NR2C2: variants seen among roughly 807,000 people sequenced by gnomAD.
NR2C2 encodes the protein nuclear receptor subfamily 2 group C member 2.
NR2C2 carries 6 observed loss-of-function variants against 62.9 expected under a neutral mutation model. The observed-to-expected ratio is 0.10, with a 90% CI of 0.05 to 0.19. NR2C2 has a LOEUF of 0.19. NR2C2 is among the 10% of genes least tolerant of loss of function. The probability of loss-of-function intolerance (pLI) is 1.00; values close to 1 mark genes in which losing one functional copy is unlikely to be tolerated. For synonymous variants in NR2C2, 272 were observed against 273.8 expected, an observed-to-expected ratio of 0.99 and a Z score of 0.07; for missense variants, 479 against 762.7, an observed-to-expected ratio of 0.63 and a Z score of 4.38.
At chr3:14,975,838 A>G (rs540751417) in intron 1 of NR2C2, among the ~76,000 whole-genome samples, 1 of 152,324 alleles carries the variant, frequency 6.6e-6, no homozygotes, top group Non-Finnish European at 1.5e-5. Context: ...CATGTGGTCC[A>G]GGACTTTCCT....
chr3:15,014,971 CTT>C (rs2041467350), intron 3 of NR2C2, among the ~76,000 whole-genome samples: 1 of 152,252 alleles, frequency 6.6e-6, no homozygotes, highest in African/African-American at 2.4e-5. Flanking sequence ...GAAGGGAAGA[CTT>C]TTTTTGTCTT....
intron 1 of NR2C2, among the ~76,000 whole-genome samples, chr3:14,992,331 T>A (rs1355074466): frequency 6.6e-6 from 1 of 152,048 alleles, no homozygotes; most frequent in African/African-American, 2.4e-5. Flanking sequence ...TTGGTTTATA[T>A]AATGAACTGC....
chr3:15,014,624 CTG>C (rs762156252), intron 3 of NR2C2, among the ~76,000 whole-genome samples: 6 of 152,122 alleles, frequency 3.9e-5, no homozygotes, highest in Admixed American at 6.6e-5. Context: ...AGCTGAAACT[CTG>C]TACTCATTGA....
chr3:15,033,363 A>G (rs962400680), intron 10 of NR2C2, among the ~76,000 whole-genome samples: 3 of 152,174 alleles, frequency 2.0e-5, no homozygotes, highest in Admixed American at 2.0e-4. Flanking sequence ...CGTGGGTTTC[A>G]GATCTATAAA....
intron 1 of NR2C2, among the ~76,000 whole-genome samples, chr3:14,972,900 C>A (rs926974299): frequency 2.0e-5 from 3 of 152,144 alleles, no homozygotes; most frequent in Non-Finnish European, 4.4e-5. Flanking sequence ...ATCATGAGAA[C>A]AGCACCAAGA....
chr3:14,996,116 A>C (rs1001954468), intron 1 of NR2C2, among the ~76,000 whole-genome samples: 2 of 152,178 alleles, frequency 1.3e-5, no homozygotes, highest in Non-Finnish European at 2.9e-5. Context: ...CCATTGTATC[A>C]GTTTTCTTTT....
At chr3:14,948,025 G>C (rs1486983039) in intron 1 of NR2C2, 119 bp downstream of exon 1, 1 of 152,140 alleles carries the variant, frequency 6.6e-6, no homozygotes, top group East Asian at 1.9e-4. Flanking sequence ...TTGCCACGGG[G>C]TGGCGGCGGC....
chr3:14,960,664 G>A (rs2039665128), intron 1 of NR2C2, among the ~76,000 whole-genome samples: 1 of 152,102 alleles, frequency 6.6e-6, no homozygotes, highest in Admixed American at 6.5e-5. Context: ...TTGAACTATA[G>A]TTAATAACAG....
At chr3:14,985,690 CAT>C (rs1559546463) in intron 1 of NR2C2, among the ~76,000 whole-genome samples, 1 of 152,110 alleles carries the variant, frequency 6.6e-6, no homozygotes, top group Non-Finnish European at 1.5e-5. Flanking sequence ...TTTTTACTCT[CAT>C]ATTTTATAGA....
chr3:15,003,990 C>T lies in NR2C2; in HGVS notation c.72+4C>T. The T allele has an allele frequency of 6.2e-7, 1 of 1,604,768 alleles. No individual in the cohort carries two copies. The highest frequency in any genetic ancestry group is 8.5e-7 in the Non-Finnish European group (1 of 1,175,966). On this transcript the variant is annotated splice_donor_region_variant and intron_variant, in intron 2 of 13. Coordinates refer to ENST00000425241, the MANE Select transcript of NR2C2 (RefSeq NM_001291694.2). ...AGCCTCACCTCAGCGCATTCAGGTA[C>T]CTGCAACCTGCCAATGGCAACCCTG... is the stretch of plus-strand genomic sequence containing the variant.
At chr3:15,014,411 T>G (rs1161006592) in intron 3 of NR2C2, among the ~76,000 whole-genome samples, 1 of 151,958 alleles carries the variant, frequency 6.6e-6, no homozygotes, top group African/African-American at 2.4e-5. Context: ...GAACAGAAAC[T>G]CAAGGTCAGT....
intron 1 of NR2C2, 34 bp from the exon 2 acceptor site, chr3:15,003,841 AC>A: frequency 7.0e-7 from 1 of 1,420,964 alleles, no homozygotes; most frequent in Non-Finnish European, 9.9e-7. Flanking sequence ...ATCATTCTGA[AC>A]CCCCTTGTGA....
At chr3:15,012,505 C>T (rs899936144) in intron 2 of NR2C2, among the ~76,000 whole-genome samples, 6 of 152,004 alleles carry the variant, frequency 3.9e-5, no homozygotes, top group African/African-American at 1.5e-4. Context: ...GGATTACAGA[C>T]ATGAGCCACT....
intron 1 of NR2C2, chr3:14,959,456 G>A (rs2039628190): frequency 6.6e-6 from 1 of 152,098 alleles, no homozygotes; most frequent in South Asian, 2.1e-4. Context: ...TTTATTGAAA[G>A]CACTTGCTTT....
intron 1 of NR2C2, among the ~76,000 whole-genome samples, chr3:14,963,232 TCTGTAC>T (rs1273960289): frequency 6.6e-6 from 1 of 152,240 alleles, no homozygotes; most frequent in Non-Finnish European, 1.5e-5. Flanking sequence ...GGGCATTCAT[TCTGTAC>T]CATGCCCTAT....
At chr3:14,973,974 C>T (rs1055621459) in intron 1 of NR2C2, among the ~76,000 whole-genome samples, 1 of 152,164 alleles carries the variant, frequency 6.6e-6, no homozygotes, top group Non-Finnish European at 1.5e-5. Flanking sequence ...ATCATCAAGT[C>T]AGAGACCGTC....
intron 13 of NR2C2, among the ~76,000 whole-genome samples, chr3:15,040,416 G>C (rs1298622150): frequency 6.6e-6 from 1 of 152,192 alleles, no homozygotes; most frequent in Non-Finnish European, 1.5e-5. Context: ...TTGACAGCCT[G>C]GGAAGACACA....
At chr3:15,039,053 C>T in intron 12 of NR2C2, 69 bp from the exon 13 acceptor site, 1 of 1,122,360 alleles carries the variant, frequency 8.9e-7, no homozygotes, top group Non-Finnish European at 1.3e-6. Flanking sequence ...ACTAAAAGTA[C>T]TAAGAAGTCT....
chr3:14,953,827 G>A (rs1427002551), intron 1 of NR2C2, among the ~76,000 whole-genome samples: 2 of 151,536 alleles, frequency 1.3e-5, no homozygotes, highest in African/African-American at 4.9e-5. Context: ...CCCGGGAGGT[G>A]GAGGCTGCAG....
Sources: gnomAD v4.1 joint callset for allele counts (sites outside exome capture counted in the v4.1 genomes callset) on GRCh38, gnomAD v4.1.1 for gene constraint, MANE v1.5 for transcripts, NCBI Gene and HGNC (gene_info 2026-07-23, HGNC 2026-07-21) for gene names.